The following TTN variants were observed in gnomAD, a reference collection of about 807,000 sequenced individuals.
TTN encodes titin.
Under a neutral mutation model 3,223.0 loss-of-function variants are expected in TTN, and 1,525 were observed. The ratio of observed to expected loss-of-function variants is 0.47; its 90% confidence interval spans 0.45 to 0.49. TTN has a LOEUF of 0.49. Among genes scored for constraint, TTN ranks in the 20% least tolerant of loss-of-function variants. The pLI is 0.00. For synonymous variants in TTN, 14,094 were observed against 15,161.0 expected, an observed-to-expected ratio of 0.93 and a Z score of 5.17; for missense variants, 40,786 against 43,424.0, an observed-to-expected ratio of 0.94 and a Z score of 5.40.
chr2:178,551,668 C>T lies in TTN; in HGVS notation c.91232G>A (p.Ser30411Asn). Residue 30411 changes from serine to asparagine, a missense_variant, in exon 335 of 363, where the codon AGT (serine) becomes AAT (asparagine). Coordinates refer to ENST00000589042, the MANE Select transcript of TTN (RefSeq NM_001267550.2). ...AENSAGLSSP[S>N]DPSKFTLAVS... is the part of the protein sequence containing the mutation. ...AGCTAAGGTAAATTTGCTTGGGTCA[C>T]TAGGTGAGCTTAGGCCAGCAGAATT... 1.2e-6 allele frequency: 2 copies of T among 1,605,094 alleles called. No homozygotes were observed. The highest frequency in any genetic ancestry group is 1.3e-5 in the African/African-American group (1 of 74,680).
intron 46 of TTN, 64 bp from the exon 47 acceptor site, chr2:178,753,244 C>A: frequency 7.7e-7 from 1 of 1,305,660 alleles, no homozygotes; most frequent in South Asian, 1.3e-5. Flanking sequence ...TGCATCAATT[C>A]ATGACTTGTA....
Position 178,583,007 on chromosome 2 carries a change from T to C in TTN, c.65796A>G (p.Gly21932=). 1 of 1,600,720 alleles carries C rather than the reference T, an allele frequency of 6.2e-7. No homozygotes were observed. The highest frequency in any genetic ancestry group is 1.1e-5 in the South Asian group (1 of 88,484). ...AATTTTCAGCAGTAATGGTATAGTC[T>C]CCTGAGTCCTTCCGGTTCACGCTGA... ...ELFSVNRKDS[G]DYTITAENSS... The change falls in exon 313 of 363, where the codon GGA becomes GGG. Residue 21932 remains glycine (G), a synonymous_variant. Transcript: ENST00000589042.
chr2:178,541,683 A>G, intron 349 of TTN, 99 bp from the exon 350 acceptor site: 1 of 1,084,150 alleles, frequency 9.2e-7, no homozygotes. Context: ...TGGTATTTTA[A>G]AAGGTACATA....
Position 178,722,110 on chromosome 2 carries a change from T to A in TTN, c.22553A>T (p.Asp7518Val), listed in dbSNP as rs749008105. Residue 7518 changes from aspartate to valine, a missense_variant, in exon 78 of 363, where the codon GAC becomes GTC. By Grantham distance (152) the Asp-to-Val change is radical. Transcript: ENST00000589042. ...AREPKKSPFF[D>V]IKPVSIDVIA... is the part of the protein sequence containing the mutation. The stretch of plus-strand genomic sequence containing the variant: ...AACATCTATAGATACAGGCTTGATG[T>A]CAAAGAAGGGAGATTTCTTGGGTTC... The A allele has an allele frequency of 5.1e-6, 8 of 1,573,638 alleles. 1 individual carries two copies. The South Asian group carries it at 7.2e-5, about 14-fold the overall frequency.
Position 178,717,259 on chromosome 2 carries a change from T to G in TTN, c.25475A>C (p.Asp8492Ala). The G allele has an allele frequency of 6.2e-7, 1 of 1,613,722 alleles. No homozygotes were observed. Among genetic ancestry groups the G allele is most frequent in the Non-Finnish European group, 8.5e-7 (1 of 1,179,696 alleles). The change falls in exon 88 of 363, where the codon GAT (aspartate) becomes GCT (alanine). Residue 8492 changes from aspartate (D) to alanine (A), a missense_variant. Transcript: ENST00000589042. ...TAPIKITWAK[D>A]NREIRPGGNY... Reference sequence around the variant, plus strand: ...GCCTCCAGGGCGAATCTCTCGGTTATCTTTGGCCCAAGTGATTTTGATTGG... The same window carrying G: ...GCCTCCAGGGCGAATCTCTCGGTTAGCTTTGGCCCAAGTGATTTTGATTGG...
rs2078198396 is a variant in TTN, at chr2:178,720,595, A to G, written c.23167T>C (p.Cys7723Arg). The G allele has an allele frequency of 1.2e-6, 2 of 1,613,362 alleles. No individual in the cohort carries two copies. Among genetic ancestry groups the G allele is most frequent in the South Asian group, 1.1e-5 (1 of 91,034 alleles). Reference sequence around the variant, plus strand: ...AATGGGGGAGTTCCCGAAATTTCACATTGGAGAATCACATCAGAACCTTTA... The same window carrying G: ...AATGGGGGAGTTCCCGAAATTTCACGTTGGAGAATCACATCAGAACCTTTA... ...ALKGSDVILQ[C>R]EISGTPPFEV... Residue 7723 changes from cysteine (C) to arginine (R), a missense_variant, in exon 80 of 363, where the codon TGT becomes CGT. By Grantham distance (180) the Cys-to-Arg change is radical. Coordinates refer to ENST00000589042, the MANE Select transcript of TTN (RefSeq NM_001267550.2).
In TTN at chr2:178,558,636, T is replaced by G. The variant is rs1702394454; in HGVS notation, c.86823A>C (p.Glu28941Asp). 2 of 1,610,154 alleles carry G rather than the reference T, an allele frequency of 1.2e-6. No homozygotes were observed. Among genetic ancestry groups the G allele is most frequent in the Non-Finnish European group, 1.7e-6 (2 of 1,179,260 alleles). Residue 28941 changes from glutamate (E) to aspartate (D), a missense_variant and splice_region_variant, in exon 327 of 363, where the codon GAA (glutamate) becomes GAC (aspartate). Physicochemically the swap from Glu to Asp is conservative, Grantham distance 45. Coordinates refer to ENST00000589042, the MANE Select transcript of TTN (RefSeq NM_001267550.2). The stretch of plus-strand genomic sequence containing the variant: ...CAAGTTTTTCAGGTGGGCTTGGTTT[T>G]TCTAAGAAAACAAAGCATCAAAAGA... ...AETKEGVKIT[E>D]KPSPPEKLGV...
Position 178,800,597 on chromosome 2 carries a change from C to T in TTN, c.381G>A (p.Val127=). The change falls in exon 4 of 363, where the codon GTG becomes GTA. Residue 127 remains valine, a synonymous_variant. Coordinates refer to ENST00000589042, the MANE Select transcript of TTN (RefSeq NM_001267550.2). ...TCACCACAGGTGTAGGGATTCCAGTCACTCTCACTTGGAGTCTCACTTGGC... is the reference window on the plus strand; with the variant it reads ...TCACCACAGGTGTAGGGATTCCAGTTACTCTCACTTGGAGTCTCACTTGGC... ...QGSQVRLQVR[V]TGIPTPVVKF... 1 of 1,613,880 alleles carries T rather than the reference C, an allele frequency of 6.2e-7. No homozygotes were observed. Among genetic ancestry groups the T allele is most frequent in the Non-Finnish European group, 8.5e-7 (1 of 1,179,846 alleles).
In TTN at chr2:178,620,296, C is replaced by T. The variant is rs2058073034; in HGVS notation, c.46225G>A (p.Val15409Ile). Reference sequence around the variant, plus strand: ...TCTCTGGAGAGCTGGCAGGAGAAGACAGCGTCATCGAACTCAGTGACTGTC... The same window carrying T: ...TCTCTGGAGAGCTGGCAGGAGAAGATAGCGTCATCGAACTCAGTGACTGTC... ...DQTVTEFDDA[V>I]FSCQLSREKA... The change falls in exon 248 of 363, where the codon GTC becomes ATC. Residue 15409 changes from valine to isoleucine, a missense_variant. Val to Ile is a conservative substitution (Grantham distance 29). Coordinates refer to ENST00000589042, the MANE Select transcript of TTN (RefSeq NM_001267550.2). 1.3e-6 allele frequency: 2 copies of T among 1,564,046 alleles called. No individual in the cohort carries two copies. The highest frequency in any genetic ancestry group is 1.7e-6 in the Non-Finnish European group (2 of 1,155,220).
In TTN at chr2:178,635,509, G is replaced by A; in HGVS notation, c.41815C>T (p.Pro13939Ser). 1 of 1,602,262 alleles carries A rather than the reference G, an allele frequency of 6.2e-7. No individual in the cohort carries two copies. Among genetic ancestry groups the A allele is most frequent in the South Asian group, 1.1e-5 (1 of 89,618 alleles). ...ACTGCATACTCAGCAATATCTTCTG[G>A]CATAGCATTCTTAATTTTGAGGTAC... ...HLYLKIKNAM[P>S]EDIAEYAVEI... Residue 13939 changes from proline (P) to serine (S), a missense_variant, in exon 227 of 363, where the codon CCA (proline) becomes TCA (serine). Coordinates refer to ENST00000589042, the MANE Select transcript of TTN (RefSeq NM_001267550.2).
chr2:178,738,156 T>C lies in TTN; in HGVS notation c.14297A>G (p.Asp4766Gly), dbSNP rs878898536. ...AGCTTTGCATGTATACTCGCCGCAG[T>C]CAACCACCTGGGTTCTCAGGATTTC... ...SLEILRTQVV[D>G]CGEYTCKASN... Residue 4766 changes from aspartate (D) to glycine (G), a missense_variant, in exon 49 of 363, where the codon GAC (aspartate) becomes GGC (glycine). Asp to Gly is a moderately conservative substitution (Grantham distance 94). Coordinates refer to ENST00000589042, the MANE Select transcript of TTN (RefSeq NM_001267550.2). 1.2e-5 allele frequency: 20 copies of C among 1,613,826 alleles called. No homozygotes were observed. Among genetic ancestry groups the C allele is most frequent in the Non-Finnish European group, 1.7e-5 (20 of 1,179,788 alleles).
At chr2:178,769,310 G>C (rs1280763324) in intron 37 of TTN, among the ~76,000 whole-genome samples, 1 of 151,804 alleles carries the variant, frequency 6.6e-6, no homozygotes, top group Non-Finnish European at 1.5e-5. Flanking sequence ...CTGCAGTGCA[G>C]TGCCGTGATT....
At chr2:178,678,090 G>A (rs760847764) in intron 145 of TTN, 35 bp downstream of exon 145, 2 of 1,593,890 alleles carry the variant, frequency 1.3e-6, no homozygotes, top group South Asian at 1.2e-5. Flanking sequence ...AGTTAGTTTT[G>A]TCTTTTACCA....
rs561728671 is a variant in TTN at position 178,618,848 on chromosome 2, G to A, written c.46702C>T (p.Pro15568Ser). ...ARAKLELAAAPKIKTADQDLV... is the reference protein window; with the variant it reads ...ARAKLELAAASKIKTADQDLV... The stretch of plus-strand genomic sequence containing the variant: ...TCTTGGTCAGCTGTCTTGATTTTTG[G>A]TGCAGCTAGTGAGAAAGATAACATG... Residue 15568 changes from proline to serine, a missense_variant, in exon 251 of 363, where the codon CCA (proline) becomes TCA (serine). Physicochemically the swap from Pro to Ser is moderately conservative, Grantham distance 74. Transcript: ENST00000589042. 4.2e-5 allele frequency: 68 copies of A among 1,608,646 alleles called. No homozygotes were observed. Among genetic ancestry groups the A allele is most frequent in the Admixed American group, 1.5e-4 (9 of 59,624 alleles).
At position 178,718,754 on chromosome 2, in the gene TTN, G is replaced by A; in HGVS notation, c.24446C>T (p.Ser8149Phe). 6.2e-7 allele frequency: 1 copy of A among 1,613,804 alleles called. No individual in the cohort carries two copies. The highest frequency in any genetic ancestry group is 1.1e-5 in the South Asian group (1 of 91,074). Residue 8149 changes from serine (S) to phenylalanine (F), a missense_variant, in exon 84 of 363, where the codon TCT becomes TTT. Transcript: ENST00000589042. ...GCCAGCATCATTTGTAACGAGGCAA[G>A]AATAGTCTCCACTTTCTAATGGCTG... ...EVQPLESGDY[S>F]CLVTNDAGSA...
chr2:178,633,058 G>C lies in TTN; in HGVS notation c.43087-14C>G. 4 of 1,608,140 alleles carry C rather than the reference G, an allele frequency of 2.5e-6. No homozygotes were observed. Among genetic ancestry groups the C allele is most frequent in the Non-Finnish European group, 3.4e-6 (4 of 1,177,594 alleles). On this transcript the variant is annotated splice_polypyrimidine_tract_variant and intron_variant, in intron 233 of 362. Transcript: ENST00000589042. ...GATTTCACAGTCCTGTTTGGAGTGA[G>C]GGTTAGAAGGAAAGAAAGAACATCA...
At chr2:178,622,859 TTTAGGGATTTTCCA>T in intron 242 of TTN, 92 bp from the exon 243 acceptor site, 1 of 986,126 alleles carries the variant, frequency 1.0e-6, no homozygotes, top group Non-Finnish European at 1.5e-6. Flanking sequence ...GTGACTCTTT[TTTAGGGATTTTCCA>T]TCTTAATAGA....
intron 153 of TTN, 34 bp from the exon 154 acceptor site, chr2:178,672,515 C>A: frequency 6.2e-7 from 1 of 1,601,686 alleles, no homozygotes; most frequent in South Asian, 1.1e-5. Flanking sequence ...TTAGGACTGT[C>A]GAGAGCAAGC....
Position 178,636,508 on chromosome 2 carries a change from T to G in TTN, c.41219A>C (p.Asp13740Ala), listed in dbSNP as rs1294256042. The change falls in exon 225 of 363, where the codon GAC becomes GCC. Residue 13740 changes from aspartate to alanine, a missense_variant. By Grantham distance (126) the Asp-to-Ala change is moderately radical. Transcript: ENST00000589042. This position sits in a 1 kb window ranked among gnomAD's most constrained non-coding sequence, Gnocchi z 4.3. The stretch of plus-strand genomic sequence containing the variant: ...AACATCAATGATGTGCAGCTTTCTG[T>G]CTTTACCATCTGCAATAAACCTGTG... ...PKHRFIADGK[D>A]RKLHIIDVQL... 6.2e-7 allele frequency: 1 copy of G among 1,613,348 alleles called. No individual in the cohort carries two copies. Among genetic ancestry groups the G allele is most frequent in the Non-Finnish European group, 8.5e-7 (1 of 1,179,582 alleles).
Sources: allele counts gnomAD v4.1 joint callset (sites outside exome capture counted in the v4.1 genomes callset), GRCh38; gene constraint gnomAD v4.1.1; non-coding constraint Gnocchi (gnomAD v3.1); transcripts MANE v1.5; gene names NCBI Gene and HGNC (gene_info 2026-07-23, HGNC 2026-07-21).